The following SENP6 variants were observed in gnomAD, a reference collection of about 807,000 sequenced individuals.
SENP6 encodes sentrin-specific protease 6.
In SENP6, 41 loss-of-function variants were observed where a neutral mutation model predicts 134.5. That is an observed-to-expected ratio of 0.30 (90% CI 0.24 to 0.40). SENP6 has a LOEUF of 0.40. SENP6 is among the 10% of genes least tolerant of loss of function. SENP6 has a pLI of 1.00. For synonymous variants in SENP6, 395 were observed against 429.8 expected, an observed-to-expected ratio of 0.92 and a Z score of 1.00; for missense variants, 1,248 against 1,312.5, an observed-to-expected ratio of 0.95 and a Z score of 0.76.
intron 7 of SENP6, among the ~76,000 whole-genome samples, chr6:75,656,143 A>G (rs887241059): frequency 1.4e-5 from 2 of 147,708 alleles, no homozygotes; most frequent in East Asian, 4.0e-4. Flanking sequence ...TGAACCTGGG[A>G]GGCAGAGGTT....
intron 12 of SENP6, 60 bp downstream of exon 12, chr6:75,675,528 G>A (rs1773021155): frequency 2.9e-6 from 3 of 1,022,212 alleles, no homozygotes; most frequent in East Asian, 4.9e-5. Context: ...GCACTTTACA[G>A]GAATAAAAGA....
intron 21 of SENP6, among the ~76,000 whole-genome samples, chr6:75,713,053 G>A (rs1000465603): frequency 1.3e-5 from 2 of 152,156 alleles, no homozygotes; most frequent in African/African-American, 4.8e-5. Context: ...GCTGCAGTGA[G>A]CTGTTATTAC....
chr6:75,703,105 A>C (rs1562069945), intron 19 of SENP6, 33 bp downstream of exon 19: 11 of 1,470,800 alleles, frequency 7.5e-6, no homozygotes, highest in Non-Finnish European at 1.0e-5. Flanking sequence ...AGAATGAAAA[A>C]ATTCAGAATA....
intron 13 of SENP6, 66 bp from the exon 14 acceptor site, chr6:75,676,964 T>C (rs1407516951): frequency 1.3e-6 from 1 of 765,946 alleles, no homozygotes; most frequent in African/African-American, 1.8e-5. Context: ...TAATAATTAC[T>C]CCTTTTAAAA....
At chr6:75,619,501 G>A (rs1768105789) in intron 1 of SENP6, among the ~76,000 whole-genome samples, 1 of 150,948 alleles carries the variant, frequency 6.6e-6, no homozygotes, top group South Asian at 2.1e-4. Context: ...ACTGTATTTT[G>A]TTTATTAATC....
At chr6:75,623,869 T>G in intron 2 of SENP6, 31 bp from the exon 3 acceptor site, 1 of 1,560,466 alleles carries the variant, frequency 6.4e-7, no homozygotes, top group Non-Finnish European at 8.7e-7. Flanking sequence ...TGATTGCTAC[T>G]TATGTTTTTT....
At chr6:75,687,401 A>G (rs1773923137) in intron 16 of SENP6, among the ~76,000 whole-genome samples, 1 of 152,220 alleles carries the variant, frequency 6.6e-6, no homozygotes, top group Admixed American at 6.5e-5. Context: ...TGCTTCTGTC[A>G]ACTCGTCAAA....
At chr6:75,658,230 T>C (rs1005340402) in intron 7 of SENP6, among the ~76,000 whole-genome samples, 19 of 152,104 alleles carry the variant, frequency 1.2e-4, no homozygotes, top group African/African-American at 3.9e-4. Context: ...GTGCAAACAA[T>C]GAGAGGGTGA....
intron 16 of SENP6, among the ~76,000 whole-genome samples, chr6:75,688,087 C>T (rs572129883): frequency 1.1e-4 from 17 of 152,348 alleles, no homozygotes; most frequent in African/African-American, 4.1e-4. Context: ...TTTACCTACT[C>T]AAGCCTCAGC....
chr6:75,669,585 ATTAC>A (rs1349437373), intron 10 of SENP6, among the ~76,000 whole-genome samples: 1 of 152,160 alleles, frequency 6.6e-6, no homozygotes, highest in Non-Finnish European at 1.5e-5. Flanking sequence ...TACTAATATA[ATTAC>A]TTGTAATTAA....
intron 16 of SENP6, among the ~76,000 whole-genome samples, chr6:75,688,934 T>A (rs1774037910): frequency 6.6e-6 from 1 of 152,090 alleles, no homozygotes. Flanking sequence ...GGTGTGGTAG[T>A]GCATGCCTGT....
chr6:75,626,070 A>T (rs1768665155), intron 3 of SENP6, among the ~76,000 whole-genome samples: 1 of 152,136 alleles, frequency 6.6e-6, no homozygotes, highest in South Asian at 2.1e-4. Context: ...ATTTTTAAGT[A>T]ATTTGAAATT....
chr6:75,606,222 A>G (rs1487116457), intron 1 of SENP6, among the ~76,000 whole-genome samples: 1 of 152,216 alleles, frequency 6.6e-6, no homozygotes, highest in Non-Finnish European at 1.5e-5. Flanking sequence ...TAGCTTCTGT[A>G]GGGAAAAGGA....
chr6:75,640,778 A>G (rs1286045053), intron 6 of SENP6, 74 bp downstream of exon 6: 6 of 939,256 alleles, frequency 6.4e-6, no homozygotes, highest in Non-Finnish European at 9.2e-6. Context: ...GTTTTGAAAA[A>G]TATTGGTTGA....
chr6:75,638,062 A>G (rs902223292), intron 5 of SENP6, among the ~76,000 whole-genome samples: 1 of 151,862 alleles, frequency 6.6e-6, no homozygotes, highest in Non-Finnish European at 1.5e-5. Flanking sequence ...CGGTGTCACT[A>G]TGTTGGTCAG....
intron 11 of SENP6, among the ~76,000 whole-genome samples, chr6:75,673,059 C>T (rs1434311407): frequency 2.6e-5 from 4 of 152,130 alleles, no homozygotes; most frequent in African/African-American, 9.7e-5. Context: ...GATCTCTTGA[C>T]CTTGTGATCC....
chr6:75,656,676 T>A (rs1043181584), intron 7 of SENP6, among the ~76,000 whole-genome samples: 4 of 152,236 alleles, frequency 2.6e-5, no homozygotes, highest in African/African-American at 9.6e-5. Flanking sequence ...TTCTTAACTC[T>A]CTATAGATCT....
chr6:75,709,977 A>G (rs1025454631), intron 20 of SENP6, among the ~76,000 whole-genome samples: 5 of 152,194 alleles, frequency 3.3e-5, no homozygotes, highest in African/African-American at 9.7e-5. Flanking sequence ...TGTTGCTGCT[A>G]CTGTGGTGTG....
chr6:75,686,536 G>A (rs1282459334), intron 16 of SENP6, among the ~76,000 whole-genome samples: 2 of 152,240 alleles, frequency 1.3e-5, no homozygotes, highest in Non-Finnish European at 2.9e-5. Flanking sequence ...GCTGGTACCA[G>A]TTGTTTCTTT....
Sources: allele counts gnomAD v4.1 joint callset (sites outside exome capture counted in the v4.1 genomes callset), GRCh38; gene constraint gnomAD v4.1.1; transcripts MANE v1.5; gene names NCBI Gene and HGNC (gene_info 2026-07-23, HGNC 2026-07-21).